Variants in TUBGCP4 observed in about 807,000 individuals in gnomAD.
The protein encoded by TUBGCP4 is gamma-tubulin complex component 4.
In TUBGCP4, 54 loss-of-function variants were observed where a neutral mutation model predicts 91.6. That is an observed-to-expected ratio of 0.59 (90% CI 0.47 to 0.74). The LOEUF (loss-of-function observed/expected upper bound fraction) is 0.74. Among genes scored for constraint, TUBGCP4 ranks in the 30% least tolerant of loss-of-function variants. The pLI is 0.00. For synonymous variants in TUBGCP4, 297 were observed against 302.8 expected, an observed-to-expected ratio of 0.98 and a Z score of 0.20; for missense variants, 593 against 800.9, an observed-to-expected ratio of 0.74 and a Z score of 3.13.
chr15:43,407,528 G>A lies in TUBGCP4; in HGVS notation c.*2314G>A. 1.9e-6 allele frequency: 3 copies of A among 1,614,198 alleles called. No individual in the cohort carries two copies. Among genetic ancestry groups the A allele is most frequent in the Non-Finnish European group, 2.5e-6 (3 of 1,180,034 alleles). On this transcript the variant is annotated 3_prime_UTR_variant, in exon 18 of 18. Coordinates refer to ENST00000564079, the MANE Select transcript of TUBGCP4 (RefSeq NM_014444.5). ...ACACTTCAGCACCGAGGCTGGGCAT[G>A]AGGGGTCCGTCACCACCACATCAAA...
rs1309071150 is a variant in TUBGCP4, at chr15:43,386,276, C to T, written c.960C>T (p.Phe320=). The change falls in exon 9 of 18, where the codon TTC becomes TTT. Residue 320 remains phenylalanine, a synonymous_variant. Coordinates refer to ENST00000564079, the MANE Select transcript of TUBGCP4 (RefSeq NM_014444.5). ...ACCGTCTCAAGCAGCAGCCACTCTT[C>T]AGCTTGGTGGACTTTGAACAGGTGG... ...ELHRLKQQPL[F]SLVDFEQVVD... 1.3e-6 allele frequency: 2 copies of T among 1,588,140 alleles called. No homozygotes were observed. The highest frequency in any genetic ancestry group is 1.7e-6 in the Non-Finnish European group (2 of 1,170,088).
At chr15:43,398,323 A>G (rs532785978) in intron 13 of TUBGCP4, 144 bp downstream of exon 13, 2 of 832,788 alleles carry the variant, frequency 2.4e-6, no homozygotes, top group Non-Finnish European at 3.6e-6. Context: ...GAGCAGGAGG[A>G]TCCCTTAAGC....
chr15:43,376,217 G>T lies in TUBGCP4; in HGVS notation c.198G>T (p.Val66=). Residue 66 remains valine, a synonymous_variant, in exon 2 of 18, where the codon GTG becomes GTT. Coordinates refer to ENST00000564079, the MANE Select transcript of TUBGCP4 (RefSeq NM_014444.5). The part of the protein sequence containing the change: ...TEFIEQYTGH[V]QQQDHHPSQQ... Reference sequence around the variant, plus strand: ...TCATTGAACAGTACACGGGCCATGTGCAACAGCAGGTGGGTCCTGTTCTCT... The same window carrying T: ...TCATTGAACAGTACACGGGCCATGTTCAACAGCAGGTGGGTCCTGTTCTCT... 6.2e-7 allele frequency: 1 copy of T among 1,613,564 alleles called. No individual in the cohort carries two copies. Among genetic ancestry groups the T allele is most frequent in the South Asian group, 1.1e-5 (1 of 90,872 alleles).
intron 6 of TUBGCP4, among the ~76,000 whole-genome samples, chr15:43,382,666 C>T (rs938018374): frequency 3.3e-5 from 5 of 152,200 alleles, no homozygotes; most frequent in Admixed American, 1.3e-4. Flanking sequence ...TATCCCATCA[C>T]GGATGTTATG....
Position 43,403,786 on chromosome 15 carries a change from G to T in TUBGCP4, c.1835G>T (p.Ser612Ile). Residue 612 changes from serine to isoleucine, a missense_variant, in exon 16 of 18, where the codon AGC becomes ATC. Coordinates refer to ENST00000564079, the MANE Select transcript of TUBGCP4 (RefSeq NM_014444.5). ...GATGAGCGTGGAGCCGCCCAGCTGA[G>T]CATTCTCGTGAAGGTGCGTCTGCCT... ...PLDERGAAQL[S>I]ILVKGFSRQS... 6.2e-7 allele frequency: 1 copy of T among 1,613,816 alleles called. No homozygotes were observed. Among genetic ancestry groups the T allele is most frequent in the Non-Finnish European group, 8.5e-7 (1 of 1,179,800 alleles).
chr15:43,396,915 A>T (rs2142863659), intron 11 of TUBGCP4, among the ~76,000 whole-genome samples: 1 of 152,324 alleles, frequency 6.6e-6, no homozygotes, highest in South Asian at 2.1e-4. Flanking sequence ...AAAGTAGAGT[A>T]TTACATTCCA....
At chr15:43,373,528 CA>C (rs1469030438) in intron 1 of TUBGCP4, among the ~76,000 whole-genome samples, 1 of 152,082 alleles carries the variant, frequency 6.6e-6, no homozygotes, top group Non-Finnish European at 1.5e-5. Flanking sequence ...TTATTTTCTT[CA>C]GTTTATAGGT....
Position 43,407,522 on chromosome 15 carries a change from G to C in TUBGCP4, c.*2308G>C. 1 of 1,614,190 alleles carries C rather than the reference G, an allele frequency of 6.2e-7. No homozygotes were observed. Among genetic ancestry groups the C allele is most frequent in the Non-Finnish European group, 8.5e-7 (1 of 1,180,014 alleles). ...TTCAGCACACTTCAGCACCGAGGCT[G>C]GGCATGAGGGGTCCGTCACCACCAC... On this transcript the variant is annotated 3_prime_UTR_variant, in exon 18 of 18. Transcript: ENST00000564079.
intron 9 of TUBGCP4, among the ~76,000 whole-genome samples, chr15:43,393,925 T>G (rs1000717144): frequency 6.6e-6 from 1 of 152,188 alleles, no homozygotes; most frequent in Admixed American, 6.5e-5. Flanking sequence ...TTCATTTGCA[T>G]GCCTGTAATG....
At chr15:43,397,060 GAGA>G in intron 11 of TUBGCP4, 151 bp from the exon 12 acceptor site, 3 of 651,216 alleles carry the variant, frequency 4.6e-6, no homozygotes, top group East Asian at 2.7e-5. Flanking sequence ...TCAGCAAGAA[GAGA>G]AGGATGGATG....
At chr15:43,373,240 CT>C (rs1372258060) in intron 1 of TUBGCP4, among the ~76,000 whole-genome samples, 1 of 152,180 alleles carries the variant, frequency 6.6e-6, no homozygotes, top group African/African-American at 2.4e-5. Context: ...GACCATTATT[CT>C]AATGCAGGAT....
rs2044568072 is a variant in TUBGCP4, at chr15:43,395,622, T to C, written c.1105T>C (p.Phe369Leu). The change falls in exon 11 of 18, where the codon TTT becomes CTT. Residue 369 changes from phenylalanine (F) to leucine (L), a missense_variant. By Grantham distance (22) the Phe-to-Leu change is conservative. Transcript: ENST00000564079. ...DFYLLGRGELFQAFIDTAQHM... is the reference protein window; with the variant it reads ...DFYLLGRGELLQAFIDTAQHM... The stretch of plus-strand genomic sequence containing the variant: ...TTACCTTCTGGGACGTGGAGAACTG[T>C]TTCAGGCCTTCATTGACACAGCTCA... 1 of 1,614,002 alleles carries C rather than the reference T, an allele frequency of 6.2e-7. No homozygotes were observed. Among genetic ancestry groups the C allele is most frequent in the Admixed American group, 1.7e-5 (1 of 59,998 alleles).
Position 43,386,352 on chromosome 15 carries a change from T to C in TUBGCP4, c.1014+22T>C. ...TGAGGTTTGTGTTTCATCGTATATA[T>C]ATATATATATATATATATATATATA... On this transcript the variant is annotated intron_variant, in intron 9 of 17. Coordinates refer to ENST00000564079, the MANE Select transcript of TUBGCP4 (RefSeq NM_014444.5). 3.5e-5 allele frequency: 2 copies of C among 57,892 alleles called. 1 individual carries two copies. Among genetic ancestry groups the C allele is most frequent in the Non-Finnish European group, 6.6e-5 (2 of 30,478 alleles). 3.6% of individuals were successfully genotyped at this position (57,892 alleles called of 1,614,324 possible).
At chr15:43,398,276 G>T (rs1277308195) in intron 13 of TUBGCP4, 97 bp downstream of exon 13, 20 of 1,386,156 alleles carry the variant, frequency 1.4e-5, no homozygotes, top group Non-Finnish European at 2.0e-5. Context: ...GCAAGGTGTG[G>T]TGGCACACAC....
In TUBGCP4 at chr15:43,407,338, A is replaced by AATC; in HGVS notation, c.*2125_*2127dup. On this transcript the variant is annotated 3_prime_UTR_variant, in exon 18 of 18. Coordinates refer to ENST00000564079, the MANE Select transcript of TUBGCP4 (RefSeq NM_014444.5). Reference sequence around the variant, plus strand: ...CACATTTAAAACCTGGTTAAAACACAATCTCCACGATAGCAGGGAATAAAA... The same window carrying AATC: ...CACATTTAAAACCTGGTTAAAACACAATCATCTCCACGATAGCAGGGAATAAAA... The AATC allele has an allele frequency of 6.4e-7, 1 of 1,571,840 alleles. No homozygotes were observed. Among genetic ancestry groups the AATC allele is most frequent in the Non-Finnish European group, 8.7e-7 (1 of 1,146,326 alleles).
At chr15:43,377,774 A>C in intron 4 of TUBGCP4, 73 bp from the exon 5 acceptor site, 1 of 1,215,544 alleles carries the variant, frequency 8.2e-7, no homozygotes, top group Admixed American at 2.1e-5. Flanking sequence ...TTAGAAACAA[A>C]AGCATTTCCC....
chr15:43,394,836 C>G, intron 9 of TUBGCP4: 1 of 451,984 alleles, frequency 2.2e-6, no homozygotes, highest in Non-Finnish European at 4.0e-6. Context: ...CTGAGGCCTC[C>G]CTAGAAGCCA....
At position 43,383,563 on chromosome 15, in the gene TUBGCP4, C is replaced by CA. The variant is rs1566892964; in HGVS notation, c.723+62dup. ...GCCAGGAGTCAGAAAAGCATGCACA[C>CA]AAATGATCTTCTGGTGATCCCTTCT... is the stretch of plus-strand genomic sequence containing the variant. On this transcript the variant is annotated intron_variant, in intron 7 of 17. Coordinates refer to ENST00000564079, the MANE Select transcript of TUBGCP4 (RefSeq NM_014444.5). 3 of 1,448,468 alleles carry CA rather than the reference C, an allele frequency of 2.1e-6. No homozygotes were observed. In the African/African-American group the frequency reaches 4.2e-5, roughly 21 times the overall value. 89.7% of individuals were successfully genotyped at this position (1,448,468 alleles called of 1,614,324 possible). A position where few individuals can be genotyped will look rare whatever the true frequency, so the allele number is the denominator to read the frequency against.
Position 43,397,322 on chromosome 15 carries a change from G to T in TUBGCP4, c.1279+1G>T. The T allele has an allele frequency of 6.2e-7, 1 of 1,612,186 alleles. No individual in the cohort carries two copies. The highest frequency in any genetic ancestry group is 8.5e-7 in the Non-Finnish European group (1 of 1,178,336). On this transcript the variant is annotated splice_donor_variant, in intron 12 of 17. Transcript: ENST00000564079. LOFTEE classifies it high-confidence loss of function. ...GAGTATCACGGAAAGGAGCACAAAG[G>T]TTTGCCATTCCTCCCTGCCACCTTA...
Sources: gnomAD v4.1 joint callset for allele counts (sites outside exome capture counted in the v4.1 genomes callset) on GRCh38, gnomAD v4.1.1 for gene constraint, MANE v1.5 for transcripts, NCBI Gene and HGNC (gene_info 2026-07-23, HGNC 2026-07-21) for gene names.